Variants in CRISPLD2 observed in about 807,000 individuals in gnomAD.
The protein encoded by CRISPLD2 is cysteine-rich secretory protein LCCL domain-containing 2.
In CRISPLD2, 47 loss-of-function variants were observed where a neutral mutation model predicts 71.1. The ratio of observed to expected loss-of-function variants is 0.66; its 90% CI spans 0.52 to 0.84. The LOEUF (loss-of-function observed/expected upper bound fraction) is 0.84. CRISPLD2 is among the 40% of genes least tolerant of loss of function. The pLI is 0.00. For missense variants in CRISPLD2, 830 were observed against 651.1 expected (o/e 1.27, Z -2.99); for synonymous variants, 317 against 250.1 (o/e 1.27, Z -2.52).
intron 14 of CRISPLD2, among the ~76,000 whole-genome samples, chr16:84,891,860 C>T (rs1365635844): frequency 2.0e-5 from 3 of 152,212 alleles, no homozygotes; most frequent in Non-Finnish European, 2.9e-5. Flanking sequence ...TTCTCTCTTC[C>T]TGTGACACCC....
At chr16:84,870,321 G>T (rs925359696) in intron 8 of CRISPLD2, among the ~76,000 whole-genome samples, 22 of 145,802 alleles carry the variant, frequency 1.5e-4, no homozygotes, top group East Asian at 1.2e-3. Flanking sequence ...CATGTATTTT[G>T]TTTTTTTTTT....
chr16:84,883,541 A>G (rs2143326093), intron 13 of CRISPLD2, among the ~76,000 whole-genome samples: 1 of 152,314 alleles, frequency 6.6e-6, no homozygotes, highest in South Asian at 2.1e-4. Flanking sequence ...ACACTTGTGC[A>G]CATATCAGAA....
chr16:84,906,502 C>G, intron 14 of CRISPLD2, 86 bp from the exon 15 acceptor site: 2 of 1,411,122 alleles, frequency 1.4e-6, no homozygotes, highest in Non-Finnish European at 2.0e-6. Flanking sequence ...AAGCAGGAGG[C>G]ACCCAGGTCT....
rs766380513 is a variant in CRISPLD2 at position 84,889,278 on chromosome 16, G to T, written c.1354G>T (p.Glu452Ter). Reference protein sequence around the residue: ...TAVHAGVISNESGGDVDVMPV... With the variant: ...TAVHAGVISN ...CGTGCACGCGGGAGTCATCAGCAAC[G>T]AGAGTGGGGGTGACGTGGACGTGAT... is the stretch of plus-strand genomic sequence containing the variant. Residue 452 changes from glutamate to a stop codon, truncating the protein, a stop_gained, in exon 14 of 15, where the codon GAG (glutamate) becomes TAG (stop). Transcript: ENST00000262424. LOFTEE classifies it high-confidence loss of function. 1 of 1,614,152 alleles carries T rather than the reference G, an allele frequency of 6.2e-7. No individual in the cohort carries two copies. The highest frequency in any genetic ancestry group is 2.2e-5 in the East Asian group (1 of 44,866).
At chr16:84,833,777 C>T (rs12924623) in intron 1 of CRISPLD2, among the ~76,000 whole-genome samples, 54,995 of 151,948 alleles carry the variant, frequency 0.36, 11,030 homozygotes, top group Non-Finnish European at 0.45. Flanking sequence ...GGGTCTCCGT[C>T]GTCTCCCATG....
chr16:84,885,372 C>T (rs981528213), intron 13 of CRISPLD2, among the ~76,000 whole-genome samples: 2 of 152,230 alleles, frequency 1.3e-5, no homozygotes, highest in African/African-American at 2.4e-5. Flanking sequence ...TTTAGCAGGG[C>T]ACAAAGCTCT....
intron 14 of CRISPLD2, among the ~76,000 whole-genome samples, chr16:84,892,819 T>C (rs1415233039): frequency 6.6e-6 from 1 of 151,254 alleles, no homozygotes; most frequent in Non-Finnish European, 1.5e-5. Context: ...CTACTAAAAA[T>C]ACAGAAATTA....
intron 14 of CRISPLD2, among the ~76,000 whole-genome samples, chr16:84,898,837 T>G (rs138115378): frequency 5.3e-4 from 80 of 152,250 alleles, no homozygotes; most frequent in African/African-American, 1.7e-3. Context: ...TTCTCACTTA[T>G]AGTCCCAGTT....
chr16:84,838,870 AG>A, intron 2 of CRISPLD2, 135 bp downstream of exon 2: 5 of 1,126,326 alleles, frequency 4.4e-6, no homozygotes, highest in Non-Finnish European at 6.5e-6. Flanking sequence ...CTGGCAGGGG[AG>A]GATCCCGGCT....
chr16:84,862,177 G>A (rs781533640), intron 6 of CRISPLD2, among the ~76,000 whole-genome samples: 2 of 152,032 alleles, frequency 1.3e-5, no homozygotes, highest in Non-Finnish European at 2.9e-5. Context: ...CAGAACTGGA[G>A]CTGTTGGGGC....
intron 13 of CRISPLD2, among the ~76,000 whole-genome samples, chr16:84,884,439 A>AG (rs1180372025): frequency 6.6e-6 from 1 of 152,212 alleles, no homozygotes; most frequent in African/African-American, 2.4e-5. Flanking sequence ...ATATGGAGAA[A>AG]GGCGGGGCTC....
chr16:84,847,804 G>A (rs1395382382), intron 3 of CRISPLD2, among the ~76,000 whole-genome samples: 1 of 152,204 alleles, frequency 6.6e-6, no homozygotes, highest in Non-Finnish European at 1.5e-5. Context: ...CATTGAGACT[G>A]TAGCCTGGAT....
chr16:84,900,051 C>G (rs1037640505), intron 14 of CRISPLD2, among the ~76,000 whole-genome samples: 1 of 152,160 alleles, frequency 6.6e-6, no homozygotes, highest in Non-Finnish European at 1.5e-5. Context: ...CAGAAACCAG[C>G]AGGGCCGCCA....
intron 14 of CRISPLD2, among the ~76,000 whole-genome samples, chr16:84,897,428 C>T (rs1327724416): frequency 6.6e-6 from 1 of 152,114 alleles, no homozygotes; most frequent in African/African-American, 2.4e-5. Flanking sequence ...GCACTCTAGC[C>T]TCGGTGACAG....
At position 84,880,572 on chromosome 16, in the gene CRISPLD2, C is replaced by A. The variant is rs1322978032; in HGVS notation, c.1293C>A (p.Asn431Lys). The A allele has an allele frequency of 1.2e-6, 2 of 1,613,848 alleles. No individual in the cohort carries two copies. The highest frequency in any genetic ancestry group is 1.7e-6 in the Non-Finnish European group (2 of 1,179,806). ...ACTGGGCTCCGGTGTTTGGAACCAA[C>A]ATCTATGCAGATGTGAGTAGGATGC... ...PSYWAPVFGT[N>K]IYADTSSICK... Residue 431 changes from asparagine (N) to lysine (K), a missense_variant, in exon 13 of 15, where the codon AAC becomes AAA. Physicochemically the swap from Asn to Lys is moderately conservative, Grantham distance 94. Coordinates refer to ENST00000262424, the MANE Select transcript of CRISPLD2 (RefSeq NM_031476.4).
intron 6 of CRISPLD2, 41 bp downstream of exon 6, chr16:84,854,870 C>G: frequency 6.7e-7 from 1 of 1,485,136 alleles, no homozygotes; most frequent in Non-Finnish European, 9.4e-7. Flanking sequence ...TGAATTTGCC[C>G]TCAGTCTGAG....
At chr16:84,851,190 C>T (rs997830260) in intron 5 of CRISPLD2, among the ~76,000 whole-genome samples, 3 of 152,224 alleles carry the variant, frequency 2.0e-5, no homozygotes, top group Admixed American at 6.5e-5. Context: ...ATGCAGTAGA[C>T]AGCACCCTAG....
chr16:84,854,618 C>T (rs1031686512), intron 5 of CRISPLD2, 111 bp from the exon 6 acceptor site: 54 of 774,534 alleles, frequency 7.0e-5, no homozygotes, highest in Non-Finnish European at 1.1e-4. Context: ...ACCTTCCCCC[C>T]TGACCTGTCA....
At chr16:84,835,279 G>A (rs931370485) in intron 1 of CRISPLD2, among the ~76,000 whole-genome samples, 6 of 152,098 alleles carry the variant, frequency 3.9e-5, no homozygotes, top group African/African-American at 1.4e-4. Context: ...TAGTAGAGAC[G>A]GGGTTTCTCC....
Sources: allele counts gnomAD v4.1 joint callset (sites outside exome capture counted in the v4.1 genomes callset), GRCh38; gene constraint gnomAD v4.1.1; transcripts MANE v1.5; gene names NCBI Gene and HGNC (gene_info 2026-07-23, HGNC 2026-07-21).